The following R3HDM1 variants were observed in gnomAD, a reference collection of about 807,000 sequenced individuals.
R3HDM1 encodes the protein R3H domain-containing protein 1.
In R3HDM1, 46 loss-of-function variants were observed where a neutral mutation model predicts 141.1. The observed-to-expected ratio is 0.33, with a 90% CI of 0.26 to 0.42. The LOEUF (loss-of-function observed/expected upper bound fraction) is 0.42. Ranked by LOEUF, R3HDM1 falls within the 10% of genes least tolerant of loss-of-function variation. R3HDM1 has a pLI of 1.00. For synonymous variants in R3HDM1, 435 were observed against 472.9 expected (o/e 0.92, Z 1.04); for missense variants, 1,184 against 1,368.3 (o/e 0.87, Z 2.12).
intron 15 of R3HDM1, among the ~76,000 whole-genome samples, chr2:135,643,388 A>G (rs1423549594): frequency 1.3e-5 from 2 of 151,496 alleles, no homozygotes; most frequent in African/African-American, 2.4e-5. Context: ...TCTCTCCCAA[A>G]TATTATGTTT....
chr2:135,568,631 T>G (rs995444926), intron 1 of R3HDM1: 1 of 152,296 alleles, frequency 6.6e-6, no homozygotes, highest in South Asian at 2.1e-4. Context: ...ATTACAGGCG[T>G]GAGCCACTTG....
intron 24 of R3HDM1, among the ~76,000 whole-genome samples, chr2:135,720,244 A>G (rs541150459): frequency 6.6e-6 from 1 of 152,182 alleles, no homozygotes; most frequent in Non-Finnish European, 1.5e-5. Flanking sequence ...AGGTTGGGAA[A>G]GAGTATGTCA....
At chr2:135,645,612 C>T in intron 16 of R3HDM1, 85 bp downstream of exon 16, 1 of 1,449,032 alleles carries the variant, frequency 6.9e-7, no homozygotes, top group Non-Finnish European at 9.5e-7. Flanking sequence ...ATTGAGATAG[C>T]CTAAGTATCT....
intron 21 of R3HDM1, among the ~76,000 whole-genome samples, chr2:135,683,778 C>T (rs1057293302): frequency 6.6e-6 from 1 of 151,952 alleles, no homozygotes; most frequent in Non-Finnish European, 1.5e-5. Context: ...AGTTGAATTA[C>T]CATCTAAGGG....
At chr2:135,699,072 A>G (rs12185712) in intron 21 of R3HDM1, among the ~76,000 whole-genome samples, 72,645 of 130,656 alleles carry the variant, frequency 0.56, 22,485 homozygotes, top group Non-Finnish European at 0.73. Flanking sequence ...TTGATTAGAT[A>G]GATTAGATAG....
Position 135,709,528 on chromosome 2 carries a change from A to G in R3HDM1, c.2555A>G (p.Gln852Arg), listed in dbSNP as rs777649862. The G allele has an allele frequency of 1.2e-6, 2 of 1,614,110 alleles. No homozygotes were observed. The highest frequency in any genetic ancestry group is 1.1e-5 in the South Asian group (1 of 91,082). The change falls in exon 22 of 27, where the codon CAA (glutamine) becomes CGA (arginine). Residue 852 changes from glutamine to arginine, a missense_variant. Gln to Arg is a conservative substitution (Grantham distance 43). Transcript: ENST00000683871. ...PCSSQQLQGH[Q>R]CTAGPPPPPG... ...AGTTCCCAGCAGCTTCAAGGCCACC[A>G]ATGTACAGGTATAAAGAAATCAGTG... is the stretch of plus-strand genomic sequence containing the variant.
intron 1 of R3HDM1, among the ~76,000 whole-genome samples, chr2:135,579,492 C>G (rs1399149730): frequency 1.3e-5 from 2 of 150,960 alleles, no homozygotes; most frequent in Admixed American, 6.6e-5. Flanking sequence ...TCAGCAGATA[C>G]TCAATGGAGA....
chr2:135,581,528 C>T (rs1706801683), intron 1 of R3HDM1: 1 of 452,742 alleles, frequency 2.2e-6, no homozygotes, highest in Non-Finnish European at 2.9e-6. Context: ...AATAGTATCT[C>T]CTCTCTATGA....
intron 19 of R3HDM1, among the ~76,000 whole-genome samples, chr2:135,672,642 A>C (rs1373972010): frequency 6.6e-6 from 1 of 152,058 alleles, no homozygotes; most frequent in East Asian, 1.9e-4. Flanking sequence ...TTTTACTACT[A>C]TTTGTAACAA....
intron 9 of R3HDM1, among the ~76,000 whole-genome samples, chr2:135,633,094 G>A (rs2062879116): frequency 6.6e-6 from 1 of 152,142 alleles, no homozygotes. Context: ...AAATAGATGT[G>A]TTTAGAAAGG....
At chr2:135,629,230 C>A (rs983089653) in intron 7 of R3HDM1, among the ~76,000 whole-genome samples, 1 of 151,984 alleles carries the variant, frequency 6.6e-6, no homozygotes, top group Non-Finnish European at 1.5e-5. Flanking sequence ...GCAGGAGAAT[C>A]GCTTGAACCC....
At chr2:135,639,214 C>A in intron 14 of R3HDM1, 92 bp downstream of exon 14, 1 of 1,251,258 alleles carries the variant, frequency 8.0e-7, no homozygotes. Context: ...TCTAATTATC[C>A]TAAAATATAA....
chr2:135,580,106 C>T (rs759903436), intron 1 of R3HDM1, among the ~76,000 whole-genome samples: 6 of 151,948 alleles, frequency 3.9e-5, no homozygotes, highest in Non-Finnish European at 7.4e-5. Flanking sequence ...AAAAACTAGC[C>T]GGGCATGGTG....
rs569949398 is a variant in R3HDM1 at position 135,576,323 on chromosome 2, A to G, written c.-249-26177A>G. Among the ~76,000 whole-genome samples, 4 of 152,066 alleles carry G rather than the reference A, an allele frequency of 2.6e-5. No individual in the cohort carries two copies. In the South Asian group the frequency reaches 8.3e-4, roughly 32 times the overall value. Reference sequence around the variant, plus strand: ...ATCCAAGACAGCAGTGTGCCATGATAGTGCCACTGCACTCCAGCCTGGGTG... The same window carrying G: ...ATCCAAGACAGCAGTGTGCCATGATGGTGCCACTGCACTCCAGCCTGGGTG... On this transcript the variant is annotated intron_variant, in intron 1 of 26. Transcript: ENST00000683871.
intron 1 of R3HDM1, among the ~76,000 whole-genome samples, chr2:135,589,202 G>A (rs1708651511): frequency 6.6e-6 from 1 of 152,040 alleles, no homozygotes; most frequent in Non-Finnish European, 1.5e-5. Flanking sequence ...AAAGCTATCA[G>A]GAAAGAAAAT....
chr2:135,568,131 C>G (rs1394846474), intron 1 of R3HDM1, among the ~76,000 whole-genome samples: 1 of 151,986 alleles, frequency 6.6e-6, no homozygotes, highest in Non-Finnish European at 1.5e-5. Context: ...TCACGCCTCA[C>G]TGCAGCCTCA....
intron 21 of R3HDM1, among the ~76,000 whole-genome samples, chr2:135,702,039 C>CA (rs1423168036): frequency 6.6e-6 from 1 of 152,040 alleles, no homozygotes; most frequent in Admixed American, 6.6e-5. Flanking sequence ...AAAACATTTT[C>CA]ATCACCCTCA....
Position 135,549,578 on chromosome 2 carries a change from A to AG in R3HDM1, c.-250+17945_-250+17946insG, listed in dbSNP as rs1414282061. Among the ~76,000 whole-genome samples, 50 of 145,762 alleles carry AG rather than the reference A, an allele frequency of 3.4e-4. 1 individual carries two copies. In the South Asian group the frequency reaches 6.0e-3, roughly 17 times the overall value. Reference sequence around the variant, plus strand: ...CTCTGCCTCAAAAAAAAAAAAAAAAAAAACAAAAACAAAATGGGGTCTTGC... The same window carrying AG: ...CTCTGCCTCAAAAAAAAAAAAAAAAAGAAACAAAAACAAAATGGGGTCTTGC... On this transcript the variant is annotated intron_variant, in intron 1 of 26. Transcript: ENST00000683871.
intron 21 of R3HDM1, among the ~76,000 whole-genome samples, chr2:135,692,565 C>G (rs1575059193): frequency 6.6e-6 from 1 of 152,156 alleles, no homozygotes; most frequent in South Asian, 2.1e-4. Context: ...GCACTCCAGC[C>G]TGGGCCAAAG....
Sources: gnomAD v4.1 joint callset for allele counts (sites outside exome capture counted in the v4.1 genomes callset) on GRCh38, gnomAD v4.1.1 for gene constraint, MANE v1.5 for transcripts, NCBI Gene and HGNC (gene_info 2026-07-23, HGNC 2026-07-21) for gene names.